Variants in CNTN5 observed in about 807,000 individuals in gnomAD.
CNTN5 encodes the protein contactin 5.
CNTN5 carries 77 observed loss-of-function variants against 129.1 expected under a neutral mutation model. The ratio of observed to expected loss-of-function variants is 0.60; its 90% CI spans 0.50 to 0.72. The LOEUF is 0.72. Among genes scored for constraint, CNTN5 ranks in the 30% least tolerant of loss-of-function variants. CNTN5 has a pLI of 0.00. For synonymous variants in CNTN5, 509 were observed against 465.6 expected, an observed-to-expected ratio of 1.09 and a Z score of -1.20; for missense variants, 1,478 against 1,328.8, an observed-to-expected ratio of 1.11 and a Z score of -1.75.
At chr11:99,689,425 G>A (rs981989379) in intron 3 of CNTN5, among the ~76,000 whole-genome samples, 4 of 150,424 alleles carry the variant, frequency 2.7e-5, no homozygotes, top group African/African-American at 7.3e-5. Context: ...TGCTTGGGAG[G>A]CTGAGGCAGG....
intron 2 of CNTN5, among the ~76,000 whole-genome samples, chr11:99,337,950 A>C (rs1480116599): frequency 6.6e-6 from 1 of 152,202 alleles, no homozygotes; most frequent in Admixed American, 6.5e-5. Flanking sequence ...TTAAAATTGG[A>C]AAAATTATTC....
chr11:99,757,210 A>G (rs75789121), intron 3 of CNTN5, among the ~76,000 whole-genome samples: 1,788 of 152,110 alleles, frequency 0.012, 39 homozygotes, highest in African/African-American at 0.041. Context: ...CATCACTCCA[A>G]TATCTTCCTT....
intron 3 of CNTN5, among the ~76,000 whole-genome samples, chr11:99,761,299 G>A (rs1026925735): frequency 2.0e-5 from 3 of 152,008 alleles, no homozygotes; most frequent in Non-Finnish European, 4.4e-5. Flanking sequence ...AAGTTTTAGG[G>A]TACGTGTGCA....
intron 2 of CNTN5, among the ~76,000 whole-genome samples, chr11:99,492,003 A>C (rs940208722): frequency 6.6e-6 from 1 of 152,100 alleles, no homozygotes; most frequent in African/African-American, 2.4e-5. Context: ...TCCTGCAAGG[A>C]ATTGTGCTCT....
intron 3 of CNTN5, among the ~76,000 whole-genome samples, chr11:99,816,383 C>T (rs185050015): frequency 2.0e-5 from 3 of 152,118 alleles, no homozygotes; most frequent in African/African-American, 7.2e-5. Flanking sequence ...GTCTTCCTTA[C>T]GTCTGCAGAA....
intron 1 of CNTN5, among the ~76,000 whole-genome samples, chr11:99,174,958 G>A (rs1328812400): frequency 2.0e-5 from 3 of 152,076 alleles, no homozygotes; most frequent in Non-Finnish European, 4.4e-5. Flanking sequence ...TTAAGGCCAG[G>A]CATGGTGGCT....
chr11:99,303,143 A>G (rs994042968), intron 1 of CNTN5, among the ~76,000 whole-genome samples: 9 of 151,798 alleles, frequency 5.9e-5, no homozygotes, highest in African/African-American at 2.2e-4. Context: ...ATTTATATAT[A>G]TTTATTCACT....
At chr11:99,260,088 T>G (rs1195443805) in intron 1 of CNTN5, among the ~76,000 whole-genome samples, 1 of 151,790 alleles carries the variant, frequency 6.6e-6, no homozygotes, top group East Asian at 1.9e-4. Context: ...GTTCATAATT[T>G]TTATCATGCA....
At chr11:99,933,059 A>G (rs1950227870) in intron 7 of CNTN5, among the ~76,000 whole-genome samples, 1 of 152,154 alleles carries the variant, frequency 6.6e-6, no homozygotes, top group Admixed American at 6.5e-5. Context: ...AATTGTTCTA[A>G]AGCAAATAAT....
intron 3 of CNTN5, among the ~76,000 whole-genome samples, chr11:99,697,208 A>G: frequency 6.6e-6 from 1 of 151,976 alleles, no homozygotes; most frequent in East Asian, 1.9e-4. Flanking sequence ...GTAGCTGTTC[A>G]ACGCTTAAAG....
chr11:99,263,329 A>T (rs1337334994), intron 1 of CNTN5, among the ~76,000 whole-genome samples: 1 of 152,090 alleles, frequency 6.6e-6, no homozygotes, highest in African/African-American at 2.4e-5. Context: ...GTGATCAATG[A>T]TTGTGCATGT....
chr11:99,075,895 C>T (rs1219003798), intron 1 of CNTN5, among the ~76,000 whole-genome samples: 2 of 152,116 alleles, frequency 1.3e-5, no homozygotes, highest in Admixed American at 1.3e-4. Context: ...TTATGACAGA[C>T]GTTTGAACTA....
chr11:99,902,317 C>A (rs1949380888), intron 6 of CNTN5, among the ~76,000 whole-genome samples: 1 of 149,480 alleles, frequency 6.7e-6, no homozygotes, highest in South Asian at 2.2e-4. Flanking sequence ...ATGTTAAAAT[C>A]ATATAACAGT....
intron 21 of CNTN5, chr11:100,308,878 G>T (rs1951412032): frequency 3.0e-6 from 3 of 983,998 alleles, no homozygotes; most frequent in Admixed American, 6.1e-5. Flanking sequence ...ATCAAATTTT[G>T]CTTGGAATTT....
At chr11:99,662,791 T>C (rs923619502) in intron 3 of CNTN5, among the ~76,000 whole-genome samples, 1 of 152,146 alleles carries the variant, frequency 6.6e-6, no homozygotes, top group Non-Finnish European at 1.5e-5. Context: ...CAGTACTTTT[T>C]AGAAATAAAG....
chr11:100,045,019 G>C (rs1231670696), intron 9 of CNTN5, among the ~76,000 whole-genome samples: 2 of 151,958 alleles, frequency 1.3e-5, no homozygotes, highest in Non-Finnish European at 2.9e-5. Flanking sequence ...TCAAAATGCA[G>C]TTTTCTCTCC....
At chr11:100,347,687 T>C (rs1252162382) in intron 23 of CNTN5, among the ~76,000 whole-genome samples, 1 of 152,096 alleles carries the variant, frequency 6.6e-6, no homozygotes, top group Non-Finnish European at 1.5e-5. Flanking sequence ...TCACTGATAC[T>C]GTGTCTCCCA....
chr11:99,323,599 T>C (rs570414860), intron 1 of CNTN5, among the ~76,000 whole-genome samples: 4 of 151,814 alleles, frequency 2.6e-5, no homozygotes, highest in African/African-American at 9.7e-5. Context: ...GGAAAAATGA[T>C]GCACTGTATA....
intron 21 of CNTN5, among the ~76,000 whole-genome samples, chr11:100,314,746 C>T (rs1462944793): frequency 1.3e-5 from 2 of 152,078 alleles, no homozygotes; most frequent in African/African-American, 2.4e-5. Flanking sequence ...TACCTGATCT[C>T]CCTCCTGCAA....
Sources: allele counts gnomAD v4.1 joint callset (sites outside exome capture counted in the v4.1 genomes callset), GRCh38; gene constraint gnomAD v4.1.1; transcripts MANE v1.5; gene names NCBI Gene and HGNC (gene_info 2026-07-23, HGNC 2026-07-21).